ANO6: variants seen among roughly 807,000 people sequenced by gnomAD.
ANO6 encodes anoctamin 6.
ANO6 carries 106 observed loss-of-function variants against 117.5 expected under a neutral mutation model. That is an observed-to-expected ratio of 0.90 (90% CI 0.77 to 1.06). The LOEUF (loss-of-function observed/expected upper bound fraction) is 1.06, where lower values mean the gene tolerates loss of function less well. ANO6 is among the 50% of genes least tolerant of loss of function. The pLI, the probability that ANO6 is intolerant of heterozygous loss-of-function variation, is 0.00. For synonymous variants in ANO6, 367 were observed against 385.1 expected, an observed-to-expected ratio of 0.95 and a Z score of 0.55; for missense variants, 955 against 1,121.1, an observed-to-expected ratio of 0.85 and a Z score of 2.12.
intron 19 of ANO6, among the ~76,000 whole-genome samples, chr12:45,427,471 G>A (rs2137726835): frequency 6.6e-6 from 1 of 152,186 alleles, no homozygotes; most frequent in East Asian, 1.9e-4. Flanking sequence ...TATCTGTAGG[G>A]CTTGTTCCCT....
chr12:45,409,121 GA>G (rs35365466), intron 15 of ANO6, among the ~76,000 whole-genome samples: 1 of 152,172 alleles, frequency 6.6e-6, no homozygotes, highest in African/African-American at 2.4e-5. Context: ...TGCCCATAGG[GA>G]AAAAGTAGGA....
Position 45,431,446 on chromosome 12 carries a change from A to G in ANO6, c.*2135A>G, listed in dbSNP as rs772698719. ...TTACCTTATCTCCTGTATGTATGAT[A>G]GAACTTAAAAGAAATGTGCATTTGT... On this transcript the variant is annotated 3_prime_UTR_variant, in exon 20 of 20. Transcript: ENST00000320560. The G allele has an allele frequency of 4.2e-5, 41 of 985,316 alleles. 1 individual carries two copies. The highest frequency in any genetic ancestry group is 4.7e-5 in the Non-Finnish European group (39 of 829,918). The allele number at this position is 985,316 out of a possible 1,614,324, so 61.0% of individuals were successfully genotyped here. A position where few individuals can be genotyped will look rare whatever the true frequency, so the allele number is the denominator to read the frequency against.
intron 1 of ANO6, chr12:45,256,363 T>G (rs1401224609): frequency 6.6e-6 from 1 of 152,224 alleles, no homozygotes; most frequent in African/African-American, 2.4e-5. Context: ...GCAGGTAATT[T>G]ATTTTCATAT....
At chr12:45,368,498 C>G (rs1005046423) in intron 9 of ANO6, among the ~76,000 whole-genome samples, 23 of 152,130 alleles carry the variant, frequency 1.5e-4, no homozygotes, top group Non-Finnish European at 8.8e-5. Context: ...AAAACATTGC[C>G]AGAAAACACA....
At chr12:45,271,387 T>G (rs533217013) in intron 1 of ANO6, among the ~76,000 whole-genome samples, 1 of 152,320 alleles carries the variant, frequency 6.6e-6, no homozygotes, top group Middle Eastern at 3.4e-3. Flanking sequence ...TAAAAATACA[T>G]TTTAAGGACT....
At chr12:45,319,756 T>C (rs1940189703) in intron 2 of ANO6, among the ~76,000 whole-genome samples, 1 of 152,220 alleles carries the variant, frequency 6.6e-6, no homozygotes, top group Non-Finnish European at 1.5e-5. Context: ...CTGGACTCTT[T>C]TTGGTTGGTA....
chr12:45,415,868 T>C (rs1190532008), intron 16 of ANO6, among the ~76,000 whole-genome samples: 1 of 152,196 alleles, frequency 6.6e-6, no homozygotes, highest in Non-Finnish European at 1.5e-5. Context: ...TAGTTACATA[T>C]CTGTAGATGT....
At chr12:45,365,571 G>T (rs1455806113) in intron 8 of ANO6, among the ~76,000 whole-genome samples, 1 of 152,162 alleles carries the variant, frequency 6.6e-6, no homozygotes, top group Admixed American at 6.5e-5. Flanking sequence ...TGCTAGGCAG[G>T]TCAAATAGTA....
intron 3 of ANO6, among the ~76,000 whole-genome samples, chr12:45,341,667 AAGGGGGAGTCT>A (rs1245741468): frequency 6.6e-6 from 1 of 152,140 alleles, no homozygotes; most frequent in Non-Finnish European, 1.5e-5. Flanking sequence ...TAGAAGAGTC[AAGGGGGAGTCT>A]AGGTGACTCT....
At chr12:45,297,823 A>T (rs1250168605) in intron 1 of ANO6, among the ~76,000 whole-genome samples, 1 of 152,232 alleles carries the variant, frequency 6.6e-6, no homozygotes, top group Non-Finnish European at 1.5e-5. Flanking sequence ...ATCATCAATT[A>T]TTCAATGTTT....
chr12:45,392,253 G>A (rs548481687), intron 12 of ANO6, among the ~76,000 whole-genome samples: 1 of 152,214 alleles, frequency 6.6e-6, no homozygotes, highest in Non-Finnish European at 1.5e-5. Context: ...GACTGCTAGC[G>A]CAGCAGTCTG....
intron 3 of ANO6, among the ~76,000 whole-genome samples, chr12:45,344,945 C>T (rs1043147720): frequency 1.3e-5 from 2 of 152,088 alleles, no homozygotes; most frequent in Non-Finnish European, 2.9e-5. Flanking sequence ...GGGAAGGGGA[C>T]ACCCAGAGGG....
intron 19 of ANO6, among the ~76,000 whole-genome samples, chr12:45,426,179 A>G (rs1023991689): frequency 6.6e-5 from 10 of 152,226 alleles, no homozygotes; most frequent in Admixed American, 5.2e-4. Context: ...ATCTAGCAAT[A>G]TATTTCAAAA....
intron 3 of ANO6, among the ~76,000 whole-genome samples, chr12:45,341,004 A>G (rs533109921): frequency 6.6e-6 from 1 of 152,348 alleles, no homozygotes; most frequent in South Asian, 2.1e-4. Flanking sequence ...AAAAGAAAAT[A>G]ACAAGAACTG....
chr12:45,331,318 C>T lies in ANO6; in HGVS notation c.174C>T (p.Asp58=). The T allele has an allele frequency of 1.2e-6, 2 of 1,609,428 alleles. No individual in the cohort carries two copies. The highest frequency in any genetic ancestry group is 1.7e-5 in the Admixed American group (1 of 59,698). The change falls in exon 3 of 20, where the codon GAC becomes GAT. Residue 58 remains aspartate, a synonymous_variant. Transcript: ENST00000320560. ...AGGAAGAATTTAATGGAAAACCTGA[C>T]TCCCTCTTTTTTAATGATGGCCAGC... The part of the protein sequence containing the change: ...PEFEEFNGKP[D]SLFFNDGQRR...
chr12:45,331,458 T>C, intron 3 of ANO6, 35 bp downstream of exon 3: 2 of 1,557,216 alleles, frequency 1.3e-6, no homozygotes, highest in Non-Finnish European at 1.7e-6. Flanking sequence ...TCTTTTTATT[T>C]CTTATATTGT....
At chr12:45,273,720 C>CATT (rs1220393842) in intron 1 of ANO6, among the ~76,000 whole-genome samples, 2 of 152,216 alleles carry the variant, frequency 1.3e-5, no homozygotes, top group Admixed American at 6.5e-5. Context: ...TACGCCTCCC[C>CATT]ATTAGAGCCA....
intron 1 of ANO6, chr12:45,292,775 T>A: frequency 6.9e-7 from 1 of 1,449,634 alleles, no homozygotes; most frequent in African/African-American, 1.4e-5. Context: ...GTGGAGAAAT[T>A]GTGCTTACTG....
In ANO6 at chr12:45,216,369, GGACGAC is replaced by G; in HGVS notation, c.54_59del (p.Asp19_Asp20del). On this transcript the variant is annotated inframe_deletion, in exon 1 of 20. Transcript: ENST00000320560. ...TTTTGCTACAAATGGAGGAGGAGGA[GGACGAC>G]GACGATGGGGATATCGGTGAGCGAG... 6.2e-7 allele frequency: 1 copy of G among 1,612,844 alleles called. No individual in the cohort carries two copies.
Sources: allele counts gnomAD v4.1 joint callset (sites outside exome capture counted in the v4.1 genomes callset), GRCh38; gene constraint gnomAD v4.1.1; transcripts MANE v1.5; gene names NCBI Gene and HGNC (gene_info 2026-07-23, HGNC 2026-07-21).